The following PCDHA2 variants were observed in gnomAD, a reference collection of about 807,000 sequenced individuals.
The protein encoded by PCDHA2 is protocadherin alpha 2.
A neutral mutation model predicts 66.0 loss-of-function variants in PCDHA2; 58 were observed. The ratio of observed to expected loss-of-function variants is 0.88; its 90% CI spans 0.71 to 1.09. The LOEUF (loss-of-function observed/expected upper bound fraction) is 1.09. Ranked by LOEUF, PCDHA2 falls within the 50% of genes least tolerant of loss-of-function variation. The probability of loss-of-function intolerance (pLI) is 0.00; values close to 1 mark genes in which losing one functional copy is unlikely to be tolerated. For missense variants in PCDHA2, 1,267 were observed against 1,242.3 expected (o/e 1.02, Z -0.30); for synonymous variants, 634 against 554.0 (o/e 1.14, Z -2.03).
chr5:140,862,975 G>A (rs2047690621), intron 1 of PCDHA2: 2 of 544,994 alleles, frequency 3.7e-6, no homozygotes, highest in Middle Eastern at 3.0e-4. Context: ...CAGGCCACTT[G>A]GTGGCGAAGG....
intron 1 of PCDHA2, among the ~76,000 whole-genome samples, chr5:140,855,047 T>C (rs1426970366): frequency 1.3e-5 from 2 of 149,978 alleles, no homozygotes; most frequent in African/African-American, 2.4e-5. Flanking sequence ...TCTGTAATAG[T>C]ACTTTTCTGT....
Position 140,838,077 on chromosome 5 carries a change from AGTGTGTGTGTGTGTG to A in PCDHA2, c.2388+40726_2388+40740del, listed in dbSNP as rs1775482926. Among the ~76,000 whole-genome samples, 4 of 80,664 alleles carry A rather than the reference AGTGTGTGTGTGTGTG, an allele frequency of 5.0e-5. 1 individual carries two copies. Among genetic ancestry groups the A allele is most frequent in the African/African-American group, 2.5e-4 (4 of 16,244 alleles). The allele number at this position is 80,664 out of a possible 152,430, so 52.9% of individuals were successfully genotyped here. On this transcript the variant is annotated intron_variant, in intron 1 of 3. Transcript: ENST00000526136. ...TTTCCACTTTAAGTTATATATATATAGTGTGTGTGTGTGTGTGTGTGTGTGTGTGTGTGTGTGTGT... is the reference window on the plus strand; with the variant it reads ...TTTCCACTTTAAGTTATATATATATATGTGTGTGTGTGTGTGTGTGTGTGT...
chr5:140,935,286 C>T (rs1283279527), intron 1 of PCDHA2, among the ~76,000 whole-genome samples: 1 of 152,150 alleles, frequency 6.6e-6, no homozygotes, highest in Non-Finnish European at 1.5e-5. Context: ...TAAAGTTCAG[C>T]ACTCCGAGGT....
intron 1 of PCDHA2, chr5:140,863,191 G>A: frequency 1.2e-6 from 1 of 802,224 alleles, no homozygotes; most frequent in Non-Finnish European, 2.1e-6. Flanking sequence ...CACCGTGGTG[G>A]CGTCGCTGGC....
chr5:140,935,353 T>C (rs2090328143), intron 1 of PCDHA2, among the ~76,000 whole-genome samples: 1 of 152,184 alleles, frequency 6.6e-6, no homozygotes, highest in Non-Finnish European at 1.5e-5. Flanking sequence ...CAAATCCCAG[T>C]TTTCATTAAC....
At chr5:140,836,949 T>C in intron 1 of PCDHA2, 1 of 431,294 alleles carries the variant, frequency 2.3e-6, no homozygotes, top group Non-Finnish European at 4.0e-6. Context: ...TCAAAATCTA[T>C]GGTTTATGTT....
chr5:140,842,051 C>T (rs2150328197), intron 1 of PCDHA2: 3 of 1,613,736 alleles, frequency 1.9e-6, no homozygotes, highest in Non-Finnish European at 2.5e-6. Flanking sequence ...CACTTTCGAA[C>T]AGTCTGAATA....
At chr5:140,876,820 G>A in intron 1 of PCDHA2, 2 of 1,614,214 alleles carry the variant, frequency 1.2e-6, no homozygotes, top group Non-Finnish European at 1.7e-6. Context: ...CGACGTGAAC[G>A]ACAATGCGCC....
At chr5:140,928,074 C>T (rs781992001) in intron 1 of PCDHA2, 1 of 1,614,216 alleles carries the variant, frequency 6.2e-7, no homozygotes, top group Admixed American at 1.7e-5. Flanking sequence ...TTGACAACTA[C>T]TACAGCCTGC....
intron 1 of PCDHA2, among the ~76,000 whole-genome samples, chr5:140,974,165 G>T (rs1298109600): frequency 6.6e-6 from 1 of 152,164 alleles, no homozygotes; most frequent in Non-Finnish European, 1.5e-5. Flanking sequence ...TTTCTTTCAA[G>T]AATTTTAACT....
At chr5:140,929,349 A>G in intron 1 of PCDHA2, 1 of 1,530,382 alleles carries the variant, frequency 6.5e-7, no homozygotes, top group Non-Finnish European at 8.8e-7. Context: ...ATGGAATTTG[A>G]TTCCTTTGGC....
At chr5:140,865,309 T>C (rs1554159355) in intron 1 of PCDHA2, 1 of 152,176 alleles carries the variant, frequency 6.6e-6, no homozygotes, top group Non-Finnish European at 1.5e-5. Flanking sequence ...TAATTACAAA[T>C]GAGATGGCCT....
intron 1 of PCDHA2, among the ~76,000 whole-genome samples, chr5:140,945,070 C>T (rs2093734077): frequency 6.6e-6 from 1 of 151,960 alleles, no homozygotes; most frequent in African/African-American, 2.4e-5. Context: ...ACAGACTCCA[C>T]CAAAACACTC....
At chr5:140,803,026 A>G (rs1554122531) in intron 1 of PCDHA2, 48 of 1,613,978 alleles carry the variant, frequency 3.0e-5, no homozygotes, top group Non-Finnish European at 3.6e-5. Flanking sequence ...CTTTCGTATG[A>G]GCTGCAGCCT....
At chr5:140,902,331 C>A (rs1271812504) in intron 1 of PCDHA2, among the ~76,000 whole-genome samples, 1 of 151,712 alleles carries the variant, frequency 6.6e-6, no homozygotes, top group African/African-American at 2.4e-5. Flanking sequence ...ACTCACTTCG[C>A]CTGGCCTAGG....
At chr5:140,857,939 A>C in intron 1 of PCDHA2, 1 of 1,597,618 alleles carries the variant, frequency 6.3e-7, no homozygotes, top group Middle Eastern at 1.7e-4. Flanking sequence ...GGGCGAGATC[A>C]GTACGACGCG....
chr5:140,877,818 T>C (rs1207543793), intron 1 of PCDHA2: 1 of 1,608,890 alleles, frequency 6.2e-7, no homozygotes, highest in Non-Finnish European at 8.5e-7. Flanking sequence ...CTCGAGAAGA[T>C]TGTTTAAATC....
chr5:141,000,389 C>CTATATA (rs2097911342), intron 3 of PCDHA2, among the ~76,000 whole-genome samples: 2 of 62,586 alleles, frequency 3.2e-5, no homozygotes, highest in African/African-American at 7.0e-5. Flanking sequence ...CTCTCTCTCT[C>CTATATA]TCTCTCTATA....
At chr5:140,835,581 A>G in intron 1 of PCDHA2, 1 of 1,613,870 alleles carries the variant, frequency 6.2e-7, no homozygotes, top group Non-Finnish European at 8.5e-7. Flanking sequence ...GTTGGTGTCC[A>G]CCTTCAAGAA....
Sources: gnomAD v4.1 joint callset for allele counts (sites outside exome capture counted in the v4.1 genomes callset) on GRCh38, gnomAD v4.1.1 for gene constraint, MANE v1.5 for transcripts, NCBI Gene and HGNC (gene_info 2026-07-23, HGNC 2026-07-21) for gene names.